Variants in FRMD4A observed in about 807,000 individuals in gnomAD.
The protein encoded by FRMD4A is FERM domain containing 4A, also known as FERM domain-containing protein 4A.
FRMD4A carries 29 observed loss-of-function variants against 129.1 expected under a neutral mutation model. The observed-to-expected ratio is 0.22, with a 90% CI of 0.17 to 0.31. The LOEUF is 0.31. Ranked by LOEUF, FRMD4A falls within the 10% of genes least tolerant of loss-of-function variation. FRMD4A has a pLI of 1.00. For synonymous variants in FRMD4A, 634 were observed against 571.6 expected, an observed-to-expected ratio of 1.11 and a Z score of -1.56; for missense variants, 1,272 against 1,375.8, an observed-to-expected ratio of 0.92 and a Z score of 1.19.
intron 9 of FRMD4A, among the ~76,000 whole-genome samples, chr10:13,741,262 C>T (rs1486085599): frequency 6.6e-6 from 1 of 151,862 alleles, no homozygotes; most frequent in East Asian, 1.9e-4. Flanking sequence ...CCAGCCTGGG[C>T]AACACAGTGA....
intron 2 of FRMD4A, among the ~76,000 whole-genome samples, chr10:13,893,247 G>A (rs2094721246): frequency 6.6e-6 from 1 of 152,232 alleles, no homozygotes; most frequent in Middle Eastern, 3.4e-3. Context: ...ATGTTGCCCA[G>A]GCTGGTCTTA....
At chr10:13,650,398 A>ACATGTATGCATGAGCATGAACT (rs2081466378) in intron 24 of FRMD4A, among the ~76,000 whole-genome samples, 3 of 152,102 alleles carry the variant, frequency 2.0e-5, no homozygotes, top group African/African-American at 7.2e-5. Flanking sequence ...CTGCATGTGC[A>ACATGTATGCATGAGCATGAACT]CATGTATGCA....
chr10:13,905,848 G>C (rs192671486), intron 2 of FRMD4A, among the ~76,000 whole-genome samples: 3 of 152,354 alleles, frequency 2.0e-5, no homozygotes, highest in Admixed American at 2.0e-4. Context: ...GGCATGGGTT[G>C]ATAAAGGGCT....
intron 2 of FRMD4A, among the ~76,000 whole-genome samples, chr10:14,300,534 G>A (rs1846150716): frequency 6.6e-6 from 1 of 152,166 alleles, no homozygotes; most frequent in Non-Finnish European, 1.5e-5. Context: ...GTAAAGTGAG[G>A]GAAATAAGCA....
intron 2 of FRMD4A, among the ~76,000 whole-genome samples, chr10:14,121,323 G>C (rs750269440): frequency 6.6e-6 from 1 of 152,250 alleles, no homozygotes; most frequent in South Asian, 2.1e-4. Context: ...AGCCAAGGTC[G>C]CACTACTGCA....
At chr10:13,684,510 A>G (rs2084902387) in intron 15 of FRMD4A, 1 of 985,180 alleles carries the variant, frequency 1.0e-6, no homozygotes, top group African/African-American at 1.7e-5. Context: ...AGGCAACGCC[A>G]GCAGCACAAA....
At chr10:14,089,403 C>A (rs1003084366) in intron 2 of FRMD4A, among the ~76,000 whole-genome samples, 2 of 152,086 alleles carry the variant, frequency 1.3e-5, no homozygotes, top group Admixed American at 1.3e-4. Flanking sequence ...GACGGGCTGG[C>A]CCAAGTCTGC....
rs368079942 is a variant in FRMD4A, at chr10:13,801,444, A to G, written c.207-4856T>C. Among the ~76,000 whole-genome samples, 160 of 152,336 alleles carry G rather than the reference A, an allele frequency of 1.1e-3. 4 individuals carry two copies. Among genetic ancestry groups the G allele is most frequent in the African/African-American group, 3.5e-3 (146 of 41,594 alleles). ...GGGATCACGATGCATGGCCTTGCGT[A>G]GCTCCAGTGGCTAATGGAGAGGCAG... is the stretch of plus-strand genomic sequence containing the variant. On this transcript the variant is annotated intron_variant, in intron 4 of 24. Transcript: ENST00000357447.
chr10:13,803,954 A>T (rs1367911701), intron 4 of FRMD4A, among the ~76,000 whole-genome samples: 1 of 152,174 alleles, frequency 6.6e-6, no homozygotes, highest in African/African-American at 2.4e-5. Flanking sequence ...ATTGGGAAGG[A>T]AAGGAGGGAG....
At chr10:13,788,463 T>C (rs1314198491) in intron 5 of FRMD4A, among the ~76,000 whole-genome samples, 1 of 152,238 alleles carries the variant, frequency 6.6e-6, no homozygotes, top group Non-Finnish European at 1.5e-5. Flanking sequence ...CTGCGTGGCA[T>C]GGTGTGGCCC....
chr10:14,255,499 C>T (rs1844577597), intron 2 of FRMD4A, among the ~76,000 whole-genome samples: 1 of 152,208 alleles, frequency 6.6e-6, no homozygotes, highest in Non-Finnish European at 1.5e-5. Flanking sequence ...TGGAATTGTA[C>T]ATTTTAATGC....
chr10:14,060,071 GTTTA>G (rs1417233580), intron 2 of FRMD4A, among the ~76,000 whole-genome samples: 2 of 152,170 alleles, frequency 1.3e-5, no homozygotes, highest in Admixed American at 6.5e-5. Context: ...CTATCTCTAA[GTTTA>G]AGCAGTAGCT....
At chr10:13,771,263 G>T (rs1278719305) in intron 6 of FRMD4A, among the ~76,000 whole-genome samples, 1 of 152,062 alleles carries the variant, frequency 6.6e-6, no homozygotes, top group East Asian at 1.9e-4. Flanking sequence ...TTTTTGTAGG[G>T]TTGGGGTCTT....
intron 2 of FRMD4A, among the ~76,000 whole-genome samples, chr10:13,963,135 G>A (rs1245007445): frequency 2.0e-5 from 3 of 152,150 alleles, no homozygotes; most frequent in Non-Finnish European, 4.4e-5. Flanking sequence ...CAGTAGAAAT[G>A]CAAACACATC....
At chr10:14,228,598 G>T (rs1186814552) in intron 2 of FRMD4A, among the ~76,000 whole-genome samples, 1 of 152,194 alleles carries the variant, frequency 6.6e-6, no homozygotes, top group African/African-American at 2.4e-5. Context: ...GGGTGATATA[G>T]CCAGGGTTTG....
intron 2 of FRMD4A, among the ~76,000 whole-genome samples, chr10:14,108,094 G>A (rs939324456): frequency 1.3e-5 from 2 of 151,928 alleles, no homozygotes; most frequent in Non-Finnish European, 2.9e-5. Context: ...CATTCTTCAC[G>A]GTCTCTCCAA....
chr10:14,029,753 C>T (rs752905023), intron 2 of FRMD4A, among the ~76,000 whole-genome samples: 1 of 149,818 alleles, frequency 6.7e-6, no homozygotes, highest in African/African-American at 2.5e-5. Flanking sequence ...TTTTAAAGAG[C>T]AAAACCACTG....
chr10:13,945,990 G>A (rs545070357), intron 2 of FRMD4A, among the ~76,000 whole-genome samples: 20 of 152,314 alleles, frequency 1.3e-4, no homozygotes, highest in African/African-American at 4.3e-4. Context: ...CCTAGGAGTT[G>A]CCTTCTTGCG....
chr10:13,816,859 C>T (rs975854406), intron 3 of FRMD4A, among the ~76,000 whole-genome samples: 5 of 152,206 alleles, frequency 3.3e-5, no homozygotes, highest in African/African-American at 4.8e-5. Flanking sequence ...CCAGAGGCCA[C>T]GTGAGCAAGG....
Sources: allele counts gnomAD v4.1 joint callset (sites outside exome capture counted in the v4.1 genomes callset), GRCh38; gene constraint gnomAD v4.1.1; transcripts MANE v1.5; gene names NCBI Gene and HGNC (gene_info 2026-07-23, HGNC 2026-07-21).